Variants in TMEM232 observed in about 807,000 individuals in gnomAD.
TMEM232 encodes transmembrane protein 232.
Under a neutral mutation model 78.8 loss-of-function variants are expected in TMEM232, and 80 were observed. That is an observed-to-expected ratio of 1.01 (90% CI 0.85 to 1.22). The LOEUF is 1.22. Among genes scored for constraint, TMEM232 ranks in the 50% most tolerant of loss-of-function variants. The pLI is 0.00. For missense variants in TMEM232, 881 were observed against 742.2 expected, an observed-to-expected ratio of 1.19 and a Z score of -2.17; for synonymous variants, 297 against 254.3, an observed-to-expected ratio of 1.17 and a Z score of -1.60.
Position 110,458,312 on chromosome 5 carries a change from T to A in TMEM232, c.1704-33396A>T, listed in dbSNP as rs185455154. ...TTTCAGGTTGTCTCCAGTGCTCTAG[T>A]ACAAAACAAGATCATATGTTGGCTT... On this transcript the variant is annotated intron_variant, in intron 12 of 13. Coordinates refer to ENST00000455884, the MANE Select transcript of TMEM232 (RefSeq NM_001039763.4). 1.8e-4 allele frequency among the ~76,000 whole-genome samples: 27 copies of A among 152,180 alleles called. No homozygotes were observed. The East Asian group carries it at 2.3e-3, about 13-fold the overall frequency.
At chr5:110,489,274 A>G (rs1764781881) in intron 12 of TMEM232, among the ~76,000 whole-genome samples, 1 of 151,936 alleles carries the variant, frequency 6.6e-6, no homozygotes, top group Admixed American at 6.6e-5. Context: ...TAAGTAAAAT[A>G]CAAGCAAACC....
chr5:110,680,017 A>T (rs1290571385), intron 1 of TMEM232, among the ~76,000 whole-genome samples: 2 of 152,172 alleles, frequency 1.3e-5, no homozygotes. Context: ...CTTACATCCT[A>T]ACTCCAGACC....
chr5:110,589,274 TG>T (rs1779213335), intron 10 of TMEM232, among the ~76,000 whole-genome samples: 1 of 152,110 alleles, frequency 6.6e-6, no homozygotes. Context: ...ATCTATAACA[TG>T]GGAAGTGTTT....
chr5:110,453,447 A>G (rs1760539508), intron 12 of TMEM232, among the ~76,000 whole-genome samples: 1 of 151,954 alleles, frequency 6.6e-6, no homozygotes, highest in South Asian at 2.1e-4. Context: ...GATTACAGGC[A>G]TGCTCCACCA....
At chr5:110,451,992 C>A (rs1260845798) in intron 12 of TMEM232, among the ~76,000 whole-genome samples, 1 of 152,064 alleles carries the variant, frequency 6.6e-6, no homozygotes, top group Non-Finnish European at 1.5e-5. Flanking sequence ...TGTTGACTAG[C>A]TAAATAGCTC....
chr5:110,435,784 G>T (rs142882515), intron 12 of TMEM232, among the ~76,000 whole-genome samples: 2 of 151,998 alleles, frequency 1.3e-5, no homozygotes, highest in Non-Finnish European at 2.9e-5. Context: ...GCAAATGACA[G>T]GATCTCATTC....
intron 2 of TMEM232, among the ~76,000 whole-genome samples, chr5:110,407,197 C>T (rs1755824761): frequency 6.6e-6 from 1 of 151,848 alleles, no homozygotes; most frequent in South Asian, 2.1e-4. Context: ...CCTTAATTAT[C>T]AATAATAACA....
At chr5:110,400,989 TAAAAGCAATGTATATCA>T (rs954815924) in intron 2 of TMEM232, among the ~76,000 whole-genome samples, 49 of 152,220 alleles carry the variant, frequency 3.2e-4, no homozygotes, top group Non-Finnish European at 1.5e-5. Flanking sequence ...ATCCTTTTCC[TAAAAGCAATGTATATCA>T]AAACAACTTT....
chr5:110,510,405 T>C (rs141566880), intron 12 of TMEM232, among the ~76,000 whole-genome samples: 5 of 152,328 alleles, frequency 3.3e-5, no homozygotes, highest in African/African-American at 1.2e-4. Context: ...GGTATTTTCA[T>C]CTCCTTCCTG....
At chr5:110,469,370 C>T (rs115861823) in intron 12 of TMEM232, among the ~76,000 whole-genome samples, 3,990 of 152,284 alleles carry the variant, frequency 0.026, 173 homozygotes, top group African/African-American at 0.091. Context: ...TGCTGTTATA[C>T]CCTACCAAAT....
At chr5:110,493,764 T>C (rs1172718297) in intron 12 of TMEM232, among the ~76,000 whole-genome samples, 1 of 150,876 alleles carries the variant, frequency 6.6e-6, no homozygotes, top group East Asian at 1.9e-4. Flanking sequence ...GAGGAAGGAT[T>C]GCTTAATTGT....
chr5:110,681,337 G>T (rs1792726304), intron 1 of TMEM232, among the ~76,000 whole-genome samples: 3 of 152,156 alleles, frequency 2.0e-5, no homozygotes, highest in Non-Finnish European at 4.4e-5. Context: ...GGAGGAGCAG[G>T]GCAGCAGGAA....
intron 12 of TMEM232, among the ~76,000 whole-genome samples, chr5:110,524,358 AG>A (rs1360797940): frequency 9.4e-5 from 11 of 116,536 alleles, no homozygotes; most frequent in East Asian, 2.4e-4. Context: ...AAAGAAAGAA[AG>A]AAAAAAAGAA....
intron 10 of TMEM232, among the ~76,000 whole-genome samples, chr5:110,585,243 A>T (rs1778673893): frequency 6.6e-6 from 1 of 152,152 alleles, no homozygotes; most frequent in South Asian, 2.1e-4. Flanking sequence ...AATGGGAGAT[A>T]ATAGGAAACT....
chr5:110,520,136 T>C (rs904366748), intron 12 of TMEM232, among the ~76,000 whole-genome samples: 18 of 151,628 alleles, frequency 1.2e-4, no homozygotes, highest in African/African-American at 4.4e-4. Flanking sequence ...AATAATTTAT[T>C]GTATATTTCA....
At chr5:110,415,052 C>T (rs909923746), downstream of TMEM232, among the ~76,000 whole-genome samples, 9 of 152,136 alleles carry the variant, frequency 5.9e-5, no homozygotes, top group Non-Finnish European at 1.0e-4. Flanking sequence ...TTAACAGTTC[C>T]TCAGTCCTGC....
intron 12 of TMEM232, among the ~76,000 whole-genome samples, chr5:110,513,359 G>C (rs972404872): frequency 1.2e-4 from 18 of 152,052 alleles, no homozygotes; most frequent in Admixed American, 1.2e-3. Context: ...GATAAGCTAT[G>C]GAATGGCAGA....
intron 1 of TMEM232, among the ~76,000 whole-genome samples, chr5:110,692,306 C>A (rs1561524081): frequency 6.6e-6 from 1 of 152,146 alleles, no homozygotes; most frequent in Non-Finnish European, 1.5e-5. Flanking sequence ...CTTAAAATTT[C>A]TTTAAGGTGA....
intron 2 of TMEM232, among the ~76,000 whole-genome samples, chr5:110,406,709 T>G (rs114677489): frequency 4.0e-4 from 61 of 152,168 alleles, no homozygotes; most frequent in Non-Finnish European, 7.9e-4. Flanking sequence ...ATATTTATGG[T>G]GTATAATCCA....
Sources: gnomAD v4.1 joint callset for allele counts (sites outside exome capture counted in the v4.1 genomes callset) on GRCh38, gnomAD v4.1.1 for gene constraint, MANE v1.5 for transcripts, NCBI Gene and HGNC (gene_info 2026-07-23, HGNC 2026-07-21) for gene names.